Variants in BAZ1A observed in about 807,000 individuals in gnomAD.
The protein encoded by BAZ1A is bromodomain adjacent to zinc finger domain 1A, also known as bromodomain adjacent to zinc finger domain protein 1A.
Under a neutral mutation model 185.2 loss-of-function variants are expected in BAZ1A, and 50 were observed. The ratio of observed to expected loss-of-function variants is 0.27; its 90% CI spans 0.22 to 0.34. BAZ1A has a LOEUF of 0.34. Ranked by LOEUF, BAZ1A falls within the 10% of genes least tolerant of loss-of-function variation. The pLI is 1.00. For missense variants in BAZ1A, 1,356 were observed against 1,839.9 expected, an observed-to-expected ratio of 0.74 and a Z score of 4.81; for synonymous variants, 571 against 615.6, an observed-to-expected ratio of 0.93 and a Z score of 1.07.
chr14:34,807,267 G>A (rs1029041845), intron 6 of BAZ1A, among the ~76,000 whole-genome samples, 184 bp downstream of exon 6: 2 of 151,570 alleles, frequency 1.3e-5, no homozygotes, highest in African/African-American at 4.9e-5. Flanking sequence ...ACCACCTAGC[G>A]ATTCCAGCAA....
At chr14:34,757,983 G>A (rs1016010792) in intron 25 of BAZ1A, among the ~76,000 whole-genome samples, 11 of 151,120 alleles carry the variant, frequency 7.3e-5, no homozygotes, top group East Asian at 2.0e-4. Flanking sequence ...TCCTGACCTC[G>A]TGATCCGCCC....
intron 2 of BAZ1A, among the ~76,000 whole-genome samples, chr14:34,871,783 A>T (rs1052166558): frequency 6.6e-6 from 1 of 152,168 alleles, no homozygotes; most frequent in Non-Finnish European, 1.5e-5. Flanking sequence ...TGAGGCAGAG[A>T]ATGCTTGAAC....
At position 34,843,671 on chromosome 14, in the gene BAZ1A, T is replaced by C. The variant is rs141597412; in HGVS notation, c.393-17515A>G. Among the ~76,000 whole-genome samples the C allele has an allele frequency of 3.2e-3, 491 of 152,326 alleles. 2 individuals carry two copies. Among genetic ancestry groups the C allele is most frequent in the African/African-American group, 0.011 (454 of 41,562 alleles). On this transcript the variant is annotated intron_variant, in intron 3 of 26. Transcript: ENST00000360310. ...AAAGGTAACTACTACAACCACCATA[T>C]AAATATAGCTATTTTTTTCCAGTTT...
chr14:34,794,959 C>T, intron 10 of BAZ1A, 72 bp from the exon 11 acceptor site: 1 of 1,554,824 alleles, frequency 6.4e-7, no homozygotes. Flanking sequence ...AGATGACATA[C>T]TTTTTACCTA....
At chr14:34,759,962 A>C (rs879424420) in intron 24 of BAZ1A, among the ~76,000 whole-genome samples, 2 of 152,248 alleles carry the variant, frequency 1.3e-5, no homozygotes, top group Non-Finnish European at 2.9e-5. Flanking sequence ...GGTATGAGCC[A>C]CTGCACTTGG....
chr14:34,809,446 C>A (rs2041897264), intron 5 of BAZ1A, among the ~76,000 whole-genome samples: 1 of 152,144 alleles, frequency 6.6e-6, no homozygotes, highest in Non-Finnish European at 1.5e-5. Flanking sequence ...TCAATAGTGA[C>A]ACATGGCTGT....
In BAZ1A at chr14:34,753,385, A is replaced by C. The variant is rs961795664; in HGVS notation, c.*123T>G. On this transcript the variant is annotated 3_prime_UTR_variant, in exon 27 of 27. Coordinates refer to ENST00000360310, the MANE Select transcript of BAZ1A (RefSeq NM_013448.3). ...TGAGTGCTTAATATTAAAATTGAGAATATAGTGCAGGCCACACTTTCATGT... is the reference window on the plus strand; with the variant it reads ...TGAGTGCTTAATATTAAAATTGAGACTATAGTGCAGGCCACACTTTCATGT... 2 of 922,958 alleles carry C rather than the reference A, an allele frequency of 2.2e-6. No homozygotes were observed. The highest frequency in any genetic ancestry group is 3.3e-6 in the Non-Finnish European group (2 of 607,266). The allele number at this position is 922,958 out of a possible 1,614,324, so 57.2% of individuals were successfully genotyped here. A position where few individuals can be genotyped will look rare whatever the true frequency, so the allele number is the denominator to read the frequency against.
chr14:34,857,047 C>T (rs1189980047), intron 3 of BAZ1A, among the ~76,000 whole-genome samples: 3 of 150,190 alleles, frequency 2.0e-5, no homozygotes, highest in Non-Finnish European at 4.4e-5. Context: ...CGCTGTGTCA[C>T]CCAGGCTGGA....
At chr14:34,859,551 A>G (rs1411129959) in intron 3 of BAZ1A, among the ~76,000 whole-genome samples, 3 of 152,170 alleles carry the variant, frequency 2.0e-5, no homozygotes, top group Non-Finnish European at 4.4e-5. Flanking sequence ...GAAAAAATTT[A>G]ATTACTTAGC....
intron 21 of BAZ1A, among the ~76,000 whole-genome samples, chr14:34,765,777 A>C (rs186244142): frequency 3.7e-4 from 57 of 152,276 alleles, no homozygotes; most frequent in African/African-American, 1.2e-3. Context: ...ATATAGAAAC[A>C]TTTGAAACCT....
chr14:34,823,521 G>A (rs754870383), intron 4 of BAZ1A, among the ~76,000 whole-genome samples: 37 of 152,064 alleles, frequency 2.4e-4, no homozygotes, highest in Admixed American at 3.9e-4. Flanking sequence ...TTAGCTGGGC[G>A]TGGTGGCACA....
chr14:34,828,128 T>TA (rs199641738), intron 3 of BAZ1A, among the ~76,000 whole-genome samples: 1,651 of 150,708 alleles, frequency 0.011, 37 homozygotes, highest in African/African-American at 0.036. Context: ...CTGTCTCTAG[T>TA]AAAAAAAATA....
intron 2 of BAZ1A, among the ~76,000 whole-genome samples, chr14:34,863,405 T>C (rs2042804609): frequency 6.6e-6 from 1 of 151,784 alleles, no homozygotes; most frequent in Non-Finnish European, 1.5e-5. Flanking sequence ...TCAGGCGATC[T>C]GCCTGCCTCA....
At position 34,753,504 on chromosome 14, in the gene BAZ1A, A is replaced by G; in HGVS notation, c.*4T>C. The G allele has an allele frequency of 6.2e-7, 1 of 1,614,054 alleles. No individual in the cohort carries two copies. Among genetic ancestry groups the G allele is most frequent in the Non-Finnish European group, 8.5e-7 (1 of 1,179,928 alleles). On this transcript the variant is annotated 3_prime_UTR_variant, in exon 27 of 27. Coordinates refer to ENST00000360310, the MANE Select transcript of BAZ1A (RefSeq NM_013448.3). ...CTTCAAATATATCCTTTAGAAGGAC[A>G]AAGTCAGATTCGTGACTTTTTCGCA...
intron 4 of BAZ1A, chr14:34,816,883 G>A: frequency 2.3e-6 from 1 of 426,812 alleles, no homozygotes; most frequent in Non-Finnish European, 4.7e-6. Flanking sequence ...CACACAATGT[G>A]ATCTCACCAA....
chr14:34,812,425 T>G (rs1176862417), intron 4 of BAZ1A, among the ~76,000 whole-genome samples: 1 of 152,176 alleles, frequency 6.6e-6, no homozygotes, highest in Non-Finnish European at 1.5e-5. Context: ...CTTTGGATAT[T>G]GAGTAGTCAC....
At chr14:34,852,644 T>TC (rs1215066727) in intron 3 of BAZ1A, among the ~76,000 whole-genome samples, 1 of 152,016 alleles carries the variant, frequency 6.6e-6, no homozygotes, top group African/African-American at 2.4e-5. Context: ...AAGTGCATGT[T>TC]CCCCAATGAA....
intron 23 of BAZ1A, among the ~76,000 whole-genome samples, chr14:34,762,783 T>G (rs1399355669): frequency 6.6e-6 from 1 of 152,230 alleles, no homozygotes; most frequent in African/African-American, 2.4e-5. Context: ...ATCTTCTTGG[T>G]AACTTCAGGA....
Position 34,780,269 on chromosome 14 carries a change from T to TGAG in BAZ1A, c.2152_2153insCTC (p.Lys718delinsThrGln). 1 of 1,613,546 alleles carries TGAG rather than the reference T, an allele frequency of 6.2e-7. No homozygotes were observed. On this transcript the variant is annotated protein_altering_variant, in exon 17 of 27. Coordinates refer to ENST00000360310, the MANE Select transcript of BAZ1A (RefSeq NM_013448.3). ...ATCTAATTCCTTTTGCTCTGTGTCT[T>TGAG]TGCTCTCAATGCTAGTATCAAAATC... is the stretch of plus-strand genomic sequence containing the variant.
Sources: gnomAD v4.1 joint callset for allele counts (sites outside exome capture counted in the v4.1 genomes callset) on GRCh38, gnomAD v4.1.1 for gene constraint, MANE v1.5 for transcripts, NCBI Gene and HGNC (gene_info 2026-07-23, HGNC 2026-07-21) for gene names.